Variants in RAP1GDS1 observed in about 807,000 individuals in gnomAD.
The protein encoded by RAP1GDS1 is RAP1, GTP-GDP dissociation stimulator 1.
In RAP1GDS1, 35 loss-of-function variants were observed where a neutral mutation model predicts 71.1. That is an observed-to-expected ratio of 0.49 (90% CI 0.38 to 0.65). The LOEUF (loss-of-function observed/expected upper bound fraction) is 0.65, where lower values mean the gene tolerates loss of function less well. Ranked by LOEUF, RAP1GDS1 falls within the 30% of genes least tolerant of loss-of-function variation. The probability of loss-of-function intolerance (pLI) is 0.00; values close to 1 mark genes in which losing one functional copy is unlikely to be tolerated. For missense variants in RAP1GDS1, 663 were observed against 706.1 expected (o/e 0.94, Z 0.69); for synonymous variants, 229 against 243.1 (o/e 0.94, Z 0.54).
At chr4:98,298,115 C>G (rs1268939242) in intron 2 of RAP1GDS1, among the ~76,000 whole-genome samples, 1 of 152,026 alleles carries the variant, frequency 6.6e-6, no homozygotes, top group African/African-American at 2.4e-5. Context: ...CTGAGAAGGC[C>G]GAGAGGTGAG....
At chr4:98,400,081 A>T (rs1388912215) in intron 6 of RAP1GDS1, among the ~76,000 whole-genome samples, 4 of 151,984 alleles carry the variant, frequency 2.6e-5, no homozygotes, top group Non-Finnish European at 4.4e-5. Flanking sequence ...TCAGCACAGG[A>T]TGTTGAGTCA....
At chr4:98,413,702 C>G (rs972532256) in intron 7 of RAP1GDS1, among the ~76,000 whole-genome samples, 1 of 151,974 alleles carries the variant, frequency 6.6e-6, no homozygotes, top group African/African-American at 2.4e-5. Flanking sequence ...GTCTTTATAG[C>G]AGCATGATTT....
intron 6 of RAP1GDS1, 32 bp from the exon 7 acceptor site, chr4:98,404,445 T>A: frequency 2.6e-6 from 4 of 1,548,346 alleles, no homozygotes; most frequent in Non-Finnish European, 3.5e-6. Context: ...CTGGACTTTA[T>A]TTGGTTTAAG....
At chr4:98,325,163 A>T (rs1366878881) in intron 2 of RAP1GDS1, among the ~76,000 whole-genome samples, 1 of 151,950 alleles carries the variant, frequency 6.6e-6, no homozygotes, top group South Asian at 2.1e-4. Context: ...CAAAAAACAC[A>T]TGAAAAAATG....
chr4:98,348,460 A>C (rs1420857928), intron 3 of RAP1GDS1, among the ~76,000 whole-genome samples: 1 of 152,198 alleles, frequency 6.6e-6, no homozygotes, highest in Non-Finnish European at 1.5e-5. Context: ...AGCATGATTT[A>C]TAATCCTTTG....
rs540374812 is a variant in RAP1GDS1 at position 98,280,336 on chromosome 4, G to T, written c.5-13072G>T. On this transcript the variant is annotated intron_variant, in intron 1 of 14. Transcript: ENST00000408927. ...TGAGATGGTATCTCATTGTGGCATT[G>T]ATTTGCGTTTCTCTGATGACTAGTG... Among the ~76,000 whole-genome samples the T allele has an allele frequency of 1.4e-4, 21 of 152,322 alleles. No individual in the cohort carries two copies. In the East Asian group the frequency reaches 3.5e-3, roughly 25 times the overall value.
chr4:98,347,983 T>C (rs1437492012), intron 3 of RAP1GDS1, among the ~76,000 whole-genome samples: 1 of 152,116 alleles, frequency 6.6e-6, no homozygotes, highest in African/African-American at 2.4e-5. Context: ...ATTATTATTA[T>C]TCTTTAAGTT....
At chr4:98,422,613 C>A (rs1749048891) in intron 12 of RAP1GDS1, among the ~76,000 whole-genome samples, 1 of 152,180 alleles carries the variant, frequency 6.6e-6, no homozygotes, top group African/African-American at 2.4e-5. Context: ...TCAAATCCAC[C>A]AGCTGTTTTC....
At chr4:98,329,970 C>T (rs1055188171) in intron 2 of RAP1GDS1, among the ~76,000 whole-genome samples, 13 of 151,354 alleles carry the variant, frequency 8.6e-5, no homozygotes, top group South Asian at 4.2e-4. Flanking sequence ...GGGTGTTTCT[C>T]GGAGAGGGGG....
intron 2 of RAP1GDS1, among the ~76,000 whole-genome samples, chr4:98,319,698 T>C (rs1731487041): frequency 1.3e-5 from 2 of 150,828 alleles, no homozygotes; most frequent in Admixed American, 6.6e-5. Flanking sequence ...CAGGAATCGC[T>C]TGAACTCGGT....
In RAP1GDS1 at chr4:98,442,116, G is replaced by T. The variant is rs1172198355; in HGVS notation, c.1823G>T (p.Ter608LeuextTer46). The T allele has an allele frequency of 6.2e-7, 1 of 1,612,812 alleles. No homozygotes were observed. The highest frequency in any genetic ancestry group is 8.5e-7 in the Non-Finnish European group (1 of 1,179,892). Residue 608 changes from the stop codon to leucine (L), a stop_lost, in exon 15 of 15, where the codon TGA (stop) becomes TTA (leucine). Coordinates refer to ENST00000408927, the MANE Select transcript of RAP1GDS1 (RefSeq NM_001100427.2). ...LTEQRLTVES[*>L] ...GAGCAGAGACTTACTGTGGAAAGCT[G>T]AGAACTGCCCGATACACGGCATCAT... is the stretch of plus-strand genomic sequence containing the variant.
intron 7 of RAP1GDS1, among the ~76,000 whole-genome samples, chr4:98,415,011 T>G (rs1163042565): frequency 6.6e-6 from 1 of 152,182 alleles, no homozygotes; most frequent in African/African-American, 2.4e-5. Flanking sequence ...GATTTGGCTC[T>G]CTGTTTGTCT....
intron 1 of RAP1GDS1, among the ~76,000 whole-genome samples, chr4:98,273,352 C>A (rs1045153552): frequency 6.6e-6 from 1 of 151,972 alleles, no homozygotes; most frequent in Non-Finnish European, 1.5e-5. Flanking sequence ...GCAAAAACTG[C>A]AGTTATGTTG....
At chr4:98,262,772 A>C (rs1380150840) in intron 1 of RAP1GDS1, among the ~76,000 whole-genome samples, 6 of 152,214 alleles carry the variant, frequency 3.9e-5, no homozygotes, top group African/African-American at 1.4e-4. Flanking sequence ...TGCAACTCAG[A>C]ATCTTCAAGA....
intron 3 of RAP1GDS1, among the ~76,000 whole-genome samples, chr4:98,344,219 T>G (rs191528445): frequency 1.1e-3 from 160 of 152,292 alleles, no homozygotes; most frequent in Middle Eastern, 3.4e-3. Flanking sequence ...TTTTGGTGGT[T>G]GTTAGAAAAT....
At chr4:98,319,508 T>G (rs1314604754) in intron 2 of RAP1GDS1, among the ~76,000 whole-genome samples, 1 of 151,920 alleles carries the variant, frequency 6.6e-6, no homozygotes, top group Non-Finnish European at 1.5e-5. Flanking sequence ...TGGCTGGGCA[T>G]GGTGGCTCAC....
At chr4:98,377,158 C>T (rs1741288167) in intron 4 of RAP1GDS1, among the ~76,000 whole-genome samples, 1 of 151,738 alleles carries the variant, frequency 6.6e-6, no homozygotes, top group Non-Finnish European at 1.5e-5. Context: ...TAAGTAAGTC[C>T]TAAGCATACA....
At chr4:98,410,833 T>C (rs1340843640) in intron 7 of RAP1GDS1, among the ~76,000 whole-genome samples, 1 of 152,164 alleles carries the variant, frequency 6.6e-6, no homozygotes, top group East Asian at 1.9e-4. Context: ...ATTTACTTGG[T>C]AAAATGATGA....
At chr4:98,334,672 TTC>T (rs1351360651) in intron 2 of RAP1GDS1, among the ~76,000 whole-genome samples, 1 of 152,164 alleles carries the variant, frequency 6.6e-6, no homozygotes, top group African/African-American at 2.4e-5. Context: ...ATAGTTCTTT[TTC>T]TTTTAGACTA....
Sources: allele counts gnomAD v4.1 joint callset (sites outside exome capture counted in the v4.1 genomes callset), GRCh38; gene constraint gnomAD v4.1.1; transcripts MANE v1.5; gene names NCBI Gene and HGNC (gene_info 2026-07-23, HGNC 2026-07-21).